The following TCF4 variants were observed in gnomAD, a reference collection of about 807,000 sequenced individuals.
The protein encoded by TCF4 is transcription factor 4.
A neutral mutation model predicts 82.1 loss-of-function variants in TCF4; 3 were observed. The observed-to-expected ratio is 0.04, with a 90% CI of 0.02 to 0.09. The LOEUF is 0.09. Ranked by LOEUF, TCF4 falls within the 10% of genes least tolerant of loss-of-function variation. TCF4 has a pLI of 1.00. For missense variants in TCF4, 518 were observed against 852.7 expected (o/e 0.61, Z 4.89); for synonymous variants, 276 against 309.6 (o/e 0.89, Z 1.14).
chr18:55,355,591 A>T (rs544025543), intron 6 of TCF4, among the ~76,000 whole-genome samples: 1 of 152,292 alleles, frequency 6.6e-6, no homozygotes, highest in East Asian at 1.9e-4. Flanking sequence ...CCACTTTTGA[A>T]CTTCAAAGCT....
intron 2 of TCF4, among the ~76,000 whole-genome samples, chr18:55,594,563 T>C (rs1362440066): frequency 6.6e-6 from 1 of 152,238 alleles, no homozygotes; most frequent in Admixed American, 6.5e-5. Flanking sequence ...TTCCAGTTTT[T>C]CTTGGGGTTT....
Position 55,494,722 on chromosome 18 carries a change from T to C in TCF4, c.146-30585A>G, listed in dbSNP as rs953073272. Among the ~76,000 whole-genome samples, 14 of 152,182 alleles carry C rather than the reference T, an allele frequency of 9.2e-5. 1 individual carries two copies. The Middle Eastern group carries it at 0.017, about 185-fold the overall frequency. On this transcript the variant is annotated intron_variant, in intron 3 of 19. Coordinates refer to ENST00000354452, the MANE Select transcript of TCF4 (RefSeq NM_001083962.2). ...AACATTAAAACAACCCAGAGAATGCTAGACAAGGGAATTACTCTTCTATTA... is the reference window on the plus strand; with the variant it reads ...AACATTAAAACAACCCAGAGAATGCCAGACAAGGGAATTACTCTTCTATTA...
At chr18:55,478,646 T>C (rs1435540876) in intron 3 of TCF4, among the ~76,000 whole-genome samples, 1 of 151,934 alleles carries the variant, frequency 6.6e-6, no homozygotes, top group Admixed American at 6.6e-5. Context: ...CAAAACAATA[T>C]ACAGCCATGC....
chr18:55,276,842 C>A (rs1268987092), intron 9 of TCF4, among the ~76,000 whole-genome samples: 1 of 152,146 alleles, frequency 6.6e-6, no homozygotes, highest in Non-Finnish European at 1.5e-5. Flanking sequence ...TTAAATCTGA[C>A]ACTGTATTTC....
intron 3 of TCF4, among the ~76,000 whole-genome samples, chr18:55,493,509 A>G (rs1188189253): frequency 4.6e-5 from 7 of 152,168 alleles, no homozygotes; most frequent in African/African-American, 1.7e-4. Flanking sequence ...AAGGGAAGTA[A>G]TGTAAATGAT....
At chr18:55,555,803 T>G (rs1186278904) in intron 3 of TCF4, among the ~76,000 whole-genome samples, 1 of 151,972 alleles carries the variant, frequency 6.6e-6, no homozygotes, top group Non-Finnish European at 1.5e-5. Context: ...CTAAATCCAT[T>G]ATCGGTGTAC....
chr18:55,577,130 T>G lies in TCF4; in HGVS notation c.145+8150A>C, dbSNP rs12457263. Among the ~76,000 whole-genome samples the G allele has an allele frequency of 2.4e-3, 291 of 123,660 alleles. 2 individuals are homozygous for G. The highest frequency in any genetic ancestry group is 0.014 in the East Asian group (41 of 2,876). The allele number at this position is 123,660 out of a possible 152,430, so 81.1% of individuals were successfully genotyped here. On this transcript the variant is annotated intron_variant, in intron 3 of 19. Coordinates refer to ENST00000354452, the MANE Select transcript of TCF4 (RefSeq NM_001083962.2). ...TATATGTATATATACATTTATATAT[T>G]TATATATACATTTATATATTTATAT...
At chr18:55,428,538 C>T (rs1007955983) in intron 5 of TCF4, among the ~76,000 whole-genome samples, 15 of 152,144 alleles carry the variant, frequency 9.9e-5, no homozygotes, top group Admixed American at 2.6e-4. Context: ...CTTCTCCTTT[C>T]GACCTAGATA....
At chr18:55,416,855 GT>G (rs1434843601) in intron 5 of TCF4, among the ~76,000 whole-genome samples, 1 of 152,156 alleles carries the variant, frequency 6.6e-6, no homozygotes, top group Non-Finnish European at 1.5e-5. Flanking sequence ...GTAAAATTTT[GT>G]GGCATATAGG....
chr18:55,301,811 A>AAAG (rs2068378455), intron 8 of TCF4, among the ~76,000 whole-genome samples: 1 of 139,744 alleles, frequency 7.2e-6, no homozygotes, highest in African/African-American at 2.6e-5. Flanking sequence ...AAAAAAAAAA[A>AAAG]AGTGGGGGGG....
intron 8 of TCF4, among the ~76,000 whole-genome samples, chr18:55,292,136 G>C (rs889040356): frequency 6.6e-6 from 1 of 151,970 alleles, no homozygotes; most frequent in Non-Finnish European, 1.5e-5. Flanking sequence ...TTAAATTTTA[G>C]GTATTTTTTC....
chr18:55,396,812 T>C lies in TCF4; in HGVS notation c.369+6642A>G, dbSNP rs187425417. ...TTTAATGCTTCCAACATCCTCCAGG[T>C]AAGGAAACATTAGAAACAGTAATTG... is the stretch of plus-strand genomic sequence containing the variant. On this transcript the variant is annotated intron_variant, in intron 6 of 19. Transcript: ENST00000354452. Among the ~76,000 whole-genome samples the C allele has an allele frequency of 2.6e-5, 4 of 152,218 alleles. No individual in the cohort carries two copies. In the East Asian group the frequency reaches 7.7e-4, roughly 29 times the overall value.
At chr18:55,513,483 T>C (rs2096849597) in intron 3 of TCF4, among the ~76,000 whole-genome samples, 1 of 151,788 alleles carries the variant, frequency 6.6e-6, no homozygotes, top group Non-Finnish European at 1.5e-5. Flanking sequence ...TACCAAATAG[T>C]GAAAGAGTGT....
upstream of TCF4, chr18:55,589,910 C>A: frequency 1.1e-6 from 1 of 884,772 alleles, no homozygotes; most frequent in East Asian, 1.0e-4. Flanking sequence ...CCTAGAGAGG[C>A]GGCCAAGATG....
chr18:55,362,434 G>GAAAAAAAAAAAAAAA (rs1168719900), intron 6 of TCF4, among the ~76,000 whole-genome samples: 3 of 118,112 alleles, frequency 2.5e-5, no homozygotes, highest in African/African-American at 1.0e-4. Context: ...AGGAAGGAAG[G>GAAAAAAAAAAAAAAA]AAAAAAAAAA....
chr18:55,504,939 C>A lies in TCF4; in HGVS notation c.146-40802G>T, dbSNP rs540262075. On this transcript the variant is annotated intron_variant, in intron 3 of 19. Transcript: ENST00000354452. ...AATGGCTTTAAAACAACATGCTAAT[C>A]CTAATATTAGTACCTTGAAAAAAGG... Among the ~76,000 whole-genome samples, 6 of 152,248 alleles carry A rather than the reference C, an allele frequency of 3.9e-5. No individual in the cohort carries two copies. The East Asian group carries it at 1.2e-3, about 29-fold the overall frequency.
chr18:55,471,334 A>T (rs1369260127), intron 3 of TCF4, among the ~76,000 whole-genome samples: 1 of 152,220 alleles, frequency 6.6e-6, no homozygotes, highest in Non-Finnish European at 1.5e-5. Flanking sequence ...AAACTCGACA[A>T]GAAGCTTCCA....
chr18:55,273,688 T>G (rs2060866485), intron 10 of TCF4, among the ~76,000 whole-genome samples: 1 of 152,128 alleles, frequency 6.6e-6, no homozygotes, highest in African/African-American at 2.4e-5. Flanking sequence ...ACTGTTCAGA[T>G]GAAAAATGAA....
intron 10 of TCF4, among the ~76,000 whole-genome samples, chr18:55,272,903 C>T (rs2060680268): frequency 1.3e-5 from 2 of 152,040 alleles, no homozygotes; most frequent in Admixed American, 6.6e-5. Flanking sequence ...TAAAAGAAAA[C>T]AGAACTTCCT....
Sources: gnomAD v4.1 joint callset for allele counts (sites outside exome capture counted in the v4.1 genomes callset) on GRCh38, gnomAD v4.1.1 for gene constraint, MANE v1.5 for transcripts, NCBI Gene and HGNC (gene_info 2026-07-23, HGNC 2026-07-21) for gene names.